The following DLG2 variants were observed in gnomAD, a reference collection of about 807,000 sequenced individuals.
The protein encoded by DLG2 is discs large MAGUK scaffold protein 2.
Under a neutral mutation model 132.5 loss-of-function variants are expected in DLG2, and 45 were observed. The ratio of observed to expected loss-of-function variants is 0.34; its 90% CI spans 0.27 to 0.44. The LOEUF (loss-of-function observed/expected upper bound fraction) is 0.44, where lower values mean the gene tolerates loss of function less well. DLG2 is among the 20% of genes least tolerant of loss of function. The pLI, the probability that DLG2 is intolerant of heterozygous loss-of-function variation, is 1.00. For synonymous variants in DLG2, 424 were observed against 419.6 expected (o/e 1.01, Z -0.13); for missense variants, 1,045 against 1,196.9 (o/e 0.87, Z 1.87).
chr11:84,719,936 CTGAGA>C (rs112936317), intron 6 of DLG2, among the ~76,000 whole-genome samples: 2 of 152,060 alleles, frequency 1.3e-5, no homozygotes, highest in African/African-American at 4.8e-5. Flanking sequence ...TGGTAGTAAC[CTGAGA>C]TGAGTTCAGG....
rs140988965 is a variant in DLG2 at position 84,336,371 on chromosome 11, T to A, written c.520-85080A>T. 6.9e-3 allele frequency among the ~76,000 whole-genome samples: 1,052 copies of A among 152,288 alleles called. 10 individuals are homozygous for A. Among genetic ancestry groups the A allele is most frequent in the Non-Finnish European group, 0.01 (682 of 68,006 alleles). ...AAGCCCAGTGTCTTTTGGACTTGAT[T>A]TAATTCTGTTCCTCCCAACCATTTT... On this transcript the variant is annotated intron_variant, in intron 7 of 27. Transcript: ENST00000376104.
intron 6 of DLG2, among the ~76,000 whole-genome samples, chr11:84,742,816 T>C (rs1307550041): frequency 6.6e-6 from 1 of 152,174 alleles, no homozygotes; most frequent in Non-Finnish European, 1.5e-5. Flanking sequence ...TCCCTTTACC[T>C]ACTCCAACCC....
intron 5 of DLG2, among the ~76,000 whole-genome samples, chr11:85,128,191 T>G (rs2075346810): frequency 6.6e-6 from 1 of 152,192 alleles, no homozygotes; most frequent in South Asian, 2.1e-4. Context: ...AGCAGTAACT[T>G]AACATATTGC....
In DLG2 at chr11:85,144,111, G is replaced by T. The variant is rs906665208; in HGVS notation, c.282+10445C>A. 5.3e-5 allele frequency among the ~76,000 whole-genome samples: 8 copies of T among 151,882 alleles called. No homozygotes were observed. The South Asian group carries it at 8.3e-4, about 16-fold the overall frequency. On this transcript the variant is annotated intron_variant, in intron 5 of 27. Coordinates refer to ENST00000376104, the MANE Select transcript of DLG2 (RefSeq NM_001142699.3). ...GTTTTATATATATGGGTGCTCTAGT[G>T]TTGGGTGCATATACATTTATAATTG...
chr11:85,488,414 C>T (rs1040891283), intron 3 of DLG2, among the ~76,000 whole-genome samples: 1 of 151,734 alleles, frequency 6.6e-6, no homozygotes, highest in African/African-American at 2.4e-5. Flanking sequence ...CAACAACAAC[C>T]ACAACAAAAA....
intron 18 of DLG2, among the ~76,000 whole-genome samples, chr11:83,747,571 T>A (rs973542556): frequency 6.6e-6 from 1 of 152,136 alleles, no homozygotes; most frequent in Admixed American, 6.6e-5. Context: ...GGTTTCGCCA[T>A]GTTGCTGGGC....
chr11:83,760,337 G>A (rs2093844712), intron 18 of DLG2, among the ~76,000 whole-genome samples: 1 of 152,206 alleles, frequency 6.6e-6, no homozygotes, highest in Non-Finnish European at 1.5e-5. Flanking sequence ...AAAGAGGCTG[G>A]ATCAACTGGA....
At position 84,390,544 on chromosome 11, in the gene DLG2, G is replaced by A. The variant is rs9651749; in HGVS notation, c.520-139253C>T. ...GGTCAGGAAAAACTGTATGAGTTTC[G>A]AATGGCAAGGAGACCGCAGGTGGTA... On this transcript the variant is annotated intron_variant, in intron 7 of 27. Transcript: ENST00000376104. Among the ~76,000 whole-genome samples, 276 of 152,150 alleles carry A rather than the reference G, an allele frequency of 1.8e-3. 1 individual carries two copies. Among genetic ancestry groups the A allele is most frequent in the Middle Eastern group, 3.4e-3 (1 of 294 alleles).
intron 4 of DLG2, among the ~76,000 whole-genome samples, chr11:85,280,822 C>CA (rs1186870171): frequency 6.6e-6 from 1 of 151,840 alleles, no homozygotes; most frequent in East Asian, 1.9e-4. Context: ...AAGAAACAAA[C>CA]AAAAAAATCA....
At chr11:83,730,024 A>G (rs2090714397) in intron 18 of DLG2, among the ~76,000 whole-genome samples, 1 of 152,100 alleles carries the variant, frequency 6.6e-6, no homozygotes, top group African/African-American at 2.4e-5. Context: ...AAACAATTGG[A>G]GTTTACTAAG....
intron 7 of DLG2, among the ~76,000 whole-genome samples, chr11:84,436,639 T>C (rs2099001633): frequency 6.6e-6 from 1 of 152,202 alleles, no homozygotes; most frequent in South Asian, 2.1e-4. Context: ...GAATTAGAGA[T>C]GTAAGCTATC....
rs1396249995 is a variant in DLG2, at chr11:83,459,102, T to A, written c.*716A>T. ...ATTTGTTTCTATACATTTAATATATTTTTATTGTATAAATTATTCTCATCT... is the reference window on the plus strand; with the variant it reads ...ATTTGTTTCTATACATTTAATATATATTTATTGTATAAATTATTCTCATCT... On this transcript the variant is annotated 3_prime_UTR_variant, in exon 28 of 28. Transcript: ENST00000376104. 6.6e-6 allele frequency: 1 copy of A among 152,658 alleles called. No individual in the cohort carries two copies. The highest frequency in any genetic ancestry group is 2.4e-5 in the African/African-American group (1 of 41,442). 9.5% of individuals were successfully genotyped at this position (152,658 alleles called of 1,614,324 possible).
intron 3 of DLG2, among the ~76,000 whole-genome samples, chr11:85,365,810 A>G (rs1298368517): frequency 6.6e-6 from 1 of 152,210 alleles, no homozygotes; most frequent in Non-Finnish European, 1.5e-5. Context: ...GGAAACAATC[A>G]TTCTCAGCAA....
intron 11 of DLG2, among the ~76,000 whole-genome samples, chr11:84,010,242 C>T: frequency 6.6e-6 from 1 of 151,928 alleles, no homozygotes; most frequent in East Asian, 1.9e-4. Flanking sequence ...ATGATCATGA[C>T]CACTGACATT....
intron 5 of DLG2, among the ~76,000 whole-genome samples, chr11:85,112,954 C>T (rs941433592): frequency 6.6e-6 from 1 of 152,072 alleles, no homozygotes; most frequent in Non-Finnish European, 1.5e-5. Context: ...TTCAGTACTC[C>T]TATCACACTA....
intron 3 of DLG2, among the ~76,000 whole-genome samples, chr11:85,428,875 C>T (rs1422535556): frequency 9.9e-5 from 15 of 151,816 alleles, no homozygotes; most frequent in East Asian, 3.9e-4. Flanking sequence ...ATTGATAGAC[C>T]GCTAGCAAGA....
intron 7 of DLG2, among the ~76,000 whole-genome samples, chr11:84,394,690 G>A (rs1033852450): frequency 2.6e-5 from 3 of 115,408 alleles, no homozygotes; most frequent in Non-Finnish European, 3.2e-5. Context: ...GTGCAATGGC[G>A]TGATCTCAGC....
chr11:85,471,508 C>T (rs2092983584), intron 3 of DLG2, among the ~76,000 whole-genome samples: 1 of 152,060 alleles, frequency 6.6e-6, no homozygotes, highest in South Asian at 2.1e-4. Context: ...AACAAGACAG[C>T]ATGAAGGAAA....
intron 11 of DLG2, among the ~76,000 whole-genome samples, chr11:84,037,100 G>A (rs1395008998): frequency 1.3e-5 from 2 of 152,100 alleles, no homozygotes; most frequent in East Asian, 1.9e-4. Context: ...TTGAAGCAGC[G>A]AGGAGATCCA....
Sources: allele counts gnomAD v4.1 joint callset (sites outside exome capture counted in the v4.1 genomes callset), GRCh38; gene constraint gnomAD v4.1.1; transcripts MANE v1.5; gene names NCBI Gene and HGNC (gene_info 2026-07-23, HGNC 2026-07-21).